SNX27: variants seen among roughly 807,000 people sequenced by gnomAD.
SNX27 encodes sorting nexin-27.
SNX27 carries 22 observed loss-of-function variants against 71.6 expected under a neutral mutation model. The observed-to-expected ratio is 0.31, with a 90% confidence interval of 0.22 to 0.44. The LOEUF is 0.44. Among genes scored for constraint, SNX27 ranks in the 20% least tolerant of loss-of-function variants. The pLI, the probability that SNX27 is intolerant of heterozygous loss-of-function variation, is 1.00. For missense variants in SNX27, 531 were observed against 698.6 expected, an observed-to-expected ratio of 0.76 and a Z score of 2.70; for synonymous variants, 269 against 277.2, an observed-to-expected ratio of 0.97 and a Z score of 0.29.
intron 2 of SNX27, among the ~76,000 whole-genome samples, chr1:151,650,737 A>G (rs944085394): frequency 6.6e-6 from 1 of 151,934 alleles, no homozygotes; most frequent in Non-Finnish European, 1.5e-5. Context: ...TCCTAGGCAG[A>G]GGACCCTGCG....
At chr1:151,630,007 A>T (rs555282296) in intron 1 of SNX27, among the ~76,000 whole-genome samples, 1 of 151,452 alleles carries the variant, frequency 6.6e-6, no homozygotes, top group African/African-American at 2.4e-5. Flanking sequence ...GCTACTCAGG[A>T]GGCTGAGGCA....
chr1:151,648,297 C>T (rs1031288501), intron 2 of SNX27, among the ~76,000 whole-genome samples: 14 of 152,048 alleles, frequency 9.2e-5, no homozygotes, highest in South Asian at 2.1e-4. Flanking sequence ...TCAAGTGATC[C>T]GCCAGCCTTG....
intron 4 of SNX27, 158 bp downstream of exon 4, chr1:151,661,020 A>G: frequency 1.7e-6 from 1 of 574,730 alleles, no homozygotes; most frequent in Non-Finnish European, 3.1e-6. Context: ...TCTATCCTTT[A>G]AGACCTAGGT....
chr1:151,692,404 TC>T, intron 8 of SNX27, 30 bp from the exon 9 acceptor site: 2 of 1,420,350 alleles, frequency 1.4e-6, no homozygotes, highest in South Asian at 1.3e-5. Context: ...TGTTTCTCCT[TC>T]CTTTTTTTTT....
intron 1 of SNX27, among the ~76,000 whole-genome samples, chr1:151,624,348 A>G (rs1012927376): frequency 2.0e-5 from 3 of 150,108 alleles, no homozygotes; most frequent in African/African-American, 7.4e-5. Context: ...AAGTGGTTAC[A>G]TTGGCTTTTC....
rs990684841 is a variant in SNX27 at position 151,652,074 on chromosome 1, G to T, written c.544-6161G>T. 2.6e-5 allele frequency among the ~76,000 whole-genome samples: 4 copies of T among 152,240 alleles called. No homozygotes were observed. The East Asian group carries it at 5.8e-4, about 22-fold the overall frequency. Reference sequence around the variant, plus strand: ...GGTGTGGCGGCGCGAGCCTGCAATCGCAGGCACTCGGCAGGCTGAGTCAGG... The same window carrying T: ...GGTGTGGCGGCGCGAGCCTGCAATCTCAGGCACTCGGCAGGCTGAGTCAGG... On this transcript the variant is annotated intron_variant, in intron 2 of 11. Coordinates refer to ENST00000458013, the MANE Select transcript of SNX27 (RefSeq NM_001330723.2).
At chr1:151,645,722 C>G (rs1004478608) in intron 2 of SNX27, among the ~76,000 whole-genome samples, 1 of 152,172 alleles carries the variant, frequency 6.6e-6, no homozygotes, top group Admixed American at 6.5e-5. Flanking sequence ...GTCAGAAAGA[C>G]GTCACTTTCT....
chr1:151,649,710 CTT>C (rs1390291130), intron 2 of SNX27, among the ~76,000 whole-genome samples: 1 of 151,960 alleles, frequency 6.6e-6, no homozygotes, highest in Non-Finnish European at 1.5e-5. Context: ...AGTTTACTCT[CTT>C]TTTAAAAAAC....
In SNX27 at chr1:151,629,058, C is replaced by G. The variant is rs949459654; in HGVS notation, c.312-9830C>G. 3.9e-5 allele frequency among the ~76,000 whole-genome samples: 6 copies of G among 152,050 alleles called. No homozygotes were observed. The East Asian group carries it at 9.6e-4, about 24-fold the overall frequency. On this transcript the variant is annotated intron_variant, in intron 1 of 11. Transcript: ENST00000458013. ...GTTGTAGCTGAGATCTCATTGCCAA[C>G]CCCCTAGATTTTCTCCTATGTTATC...
intron 10 of SNX27, 63 bp from the exon 11 acceptor site, chr1:151,693,361 A>G: frequency 6.6e-7 from 1 of 1,511,740 alleles, no homozygotes. Flanking sequence ...CAGGAGTTCA[A>G]AGGCACAGTC....
intron 7 of SNX27, chr1:151,677,535 C>G (rs1225938433): frequency 6.6e-6 from 1 of 152,060 alleles, no homozygotes; most frequent in Non-Finnish European, 1.5e-5. Flanking sequence ...AGTGGTGTGT[C>G]TCATAGGTGG....
intron 1 of SNX27, among the ~76,000 whole-genome samples, chr1:151,630,408 A>C (rs1410244809): frequency 1.3e-5 from 2 of 151,988 alleles, no homozygotes; most frequent in African/African-American, 4.8e-5. Flanking sequence ...TAAGATAATA[A>C]TTTTTTATTT....
chr1:151,654,241 G>A (rs979775368), intron 2 of SNX27, among the ~76,000 whole-genome samples: 1 of 152,206 alleles, frequency 6.6e-6, no homozygotes, highest in African/African-American at 2.4e-5. Context: ...GCTACTGGTA[G>A]ACTACTCTTG....
At chr1:151,683,638 G>A (rs564884635) in intron 8 of SNX27, among the ~76,000 whole-genome samples, 193 bp downstream of exon 8, 1 of 137,948 alleles carries the variant, frequency 7.2e-6, no homozygotes, top group African/African-American at 2.7e-5. Context: ...GAATTACTGT[G>A]TATTAGTACA....
At chr1:151,642,276 A>G (rs1318830185) in intron 2 of SNX27, among the ~76,000 whole-genome samples, 1 of 151,762 alleles carries the variant, frequency 6.6e-6, no homozygotes, top group East Asian at 1.9e-4. Flanking sequence ...AATCCCAGCT[A>G]CTTGGGAGGC....
intron 7 of SNX27, chr1:151,669,174 A>C (rs1670347657): frequency 6.6e-6 from 1 of 152,372 alleles, no homozygotes; most frequent in South Asian, 2.1e-4. Flanking sequence ...CCCACTATTG[A>C]AGATGAGACA....
chr1:151,640,470 C>T (rs1299092510), intron 2 of SNX27, among the ~76,000 whole-genome samples: 5 of 152,126 alleles, frequency 3.3e-5, no homozygotes, highest in African/African-American at 4.8e-5. Context: ...CTCTGCCTCC[C>T]GGGTTCAAAC....
intron 2 of SNX27, among the ~76,000 whole-genome samples, chr1:151,644,578 T>A (rs527950526): frequency 6.6e-6 from 1 of 152,300 alleles, no homozygotes; most frequent in Non-Finnish European, 1.5e-5. Context: ...GTTATGAGCA[T>A]TTGTGTACAC....
At chr1:151,657,523 T>C (rs1044605140) in intron 2 of SNX27, among the ~76,000 whole-genome samples, 2 of 152,170 alleles carry the variant, frequency 1.3e-5, no homozygotes, top group African/African-American at 4.8e-5. Flanking sequence ...AGAGCCAGTT[T>C]AGGCCACACA....
Sources: gnomAD v4.1 joint callset for allele counts (sites outside exome capture counted in the v4.1 genomes callset) on GRCh38, gnomAD v4.1.1 for gene constraint, MANE v1.5 for transcripts, NCBI Gene and HGNC (gene_info 2026-07-23, HGNC 2026-07-21) for gene names.